PDLIM5: variants seen among roughly 807,000 people sequenced by gnomAD.
PDLIM5 encodes PDZ and LIM domain protein 5.
Under a neutral mutation model 64.2 loss-of-function variants are expected in PDLIM5, and 34 were observed. That is an observed-to-expected ratio of 0.53 (90% CI 0.40 to 0.71). PDLIM5 has a LOEUF of 0.71. PDLIM5 is among the 30% of genes least tolerant of loss of function. The pLI is 0.00. For synonymous variants in PDLIM5, 253 were observed against 269.1 expected, an observed-to-expected ratio of 0.94 and a Z score of 0.59; for missense variants, 683 against 733.6, an observed-to-expected ratio of 0.93 and a Z score of 0.80.
At position 94,560,768 on chromosome 4, in the gene PDLIM5, C is replaced by T. The variant is rs1210208132; in HGVS notation, c.249-12583C>T. Among the ~76,000 whole-genome samples, 7 of 152,114 alleles carry T rather than the reference C, an allele frequency of 4.6e-5. No individual in the cohort carries two copies. In the South Asian group the frequency reaches 1.0e-3, roughly 23 times the overall value. On this transcript the variant is annotated intron_variant, in intron 3 of 12. Transcript: ENST00000317968. Reference sequence around the variant, plus strand: ...GTTTTGAGACGAAGTCTTGCTGTTGCCCAGGCTGGGTGTGGTGGTACAATC... The same window carrying T: ...GTTTTGAGACGAAGTCTTGCTGTTGTCCAGGCTGGGTGTGGTGGTACAATC...
In PDLIM5 at chr4:94,523,745, G is replaced by T; in HGVS notation, c.118G>T (p.Ala40Ser). 1 of 1,612,910 alleles carries T rather than the reference G, an allele frequency of 6.2e-7. No individual in the cohort carries two copies. The highest frequency in any genetic ancestry group is 1.1e-5 in the South Asian group (1 of 91,026). The change falls in exon 3 of 13, where the codon GCC becomes TCC. Residue 40 changes from alanine (A) to serine (S), a missense_variant. Transcript: ENST00000317968. ...ISSLKDGGKA[A>S]QANVRIGDVV... ...ACAGCTAAAAGATGGCGGCAAGGCA[G>T]CCCAGGCAAATGTAAGAATAGGCGA...
intron 9 of PDLIM5, among the ~76,000 whole-genome samples, chr4:94,642,000 G>T (rs768517344): frequency 9.2e-5 from 14 of 152,082 alleles, no homozygotes; most frequent in Non-Finnish European, 1.6e-4. Flanking sequence ...TGTAAGATCT[G>T]GTATGTTGCT....
chr4:94,547,892 C>G (rs1360727062), intron 3 of PDLIM5, among the ~76,000 whole-genome samples: 1 of 152,170 alleles, frequency 6.6e-6, no homozygotes, highest in Non-Finnish European at 1.5e-5. Context: ...TCATTCAGGA[C>G]TACTGTTGAG....
intron 9 of PDLIM5, among the ~76,000 whole-genome samples, chr4:94,650,483 A>G (rs1174697403): frequency 6.6e-6 from 1 of 152,078 alleles, no homozygotes; most frequent in Non-Finnish European, 1.5e-5. Flanking sequence ...TGATACAGTA[A>G]TTTTCAGTCG....
rs1485554200 is a variant in PDLIM5 at position 94,664,419 on chromosome 4, G to A, written c.*352G>A. ...ATAATTATACCTTCTTTCCTTGTTA[G>A]GTAGTTATGAGTAAATCTGCAAAAG... is the stretch of plus-strand genomic sequence containing the variant. On this transcript the variant is annotated 3_prime_UTR_variant, in exon 13 of 13. Transcript: ENST00000317968. 7.6e-6 allele frequency: 6 copies of A among 784,730 alleles called. No homozygotes were observed. In the Admixed American group the frequency reaches 3.1e-4, roughly 41 times the overall value. 48.6% of individuals were successfully genotyped at this position (784,730 alleles called of 1,614,324 possible).
At chr4:94,472,794 T>C (rs1374032716) in intron 2 of PDLIM5, among the ~76,000 whole-genome samples, 1 of 152,226 alleles carries the variant, frequency 6.6e-6, no homozygotes, top group Non-Finnish European at 1.5e-5. Context: ...AAATCTGAAC[T>C]TCAGTCATAT....
Position 94,592,739 on chromosome 4 carries a change from G to A in PDLIM5, c.920+6295G>A, listed in dbSNP as rs568161104. On this transcript the variant is annotated intron_variant, in intron 7 of 12. Coordinates refer to ENST00000317968, the MANE Select transcript of PDLIM5 (RefSeq NM_006457.5). ...CCTCCCAGGCTCAAGTGATCCTCCC[G>A]CCTCAGCCTCCCAAGTAGCTGGAAC... is the stretch of plus-strand genomic sequence containing the variant. Among the ~76,000 whole-genome samples, 6 of 151,998 alleles carry A rather than the reference G, an allele frequency of 3.9e-5. 1 individual carries two copies. Among genetic ancestry groups the A allele is most frequent in the South Asian group, 4.2e-4 (2 of 4,816 alleles).
At chr4:94,584,613 A>G (rs1334723291) in intron 5 of PDLIM5, 1 of 183,180 alleles carries the variant, frequency 5.5e-6, no homozygotes, top group Non-Finnish European at 1.1e-5. Flanking sequence ...TAGGAGAAGG[A>G]ATACCTGTAC....
intron 7 of PDLIM5, chr4:94,587,181 A>C: frequency 6.8e-7 from 1 of 1,481,132 alleles, no homozygotes; most frequent in Non-Finnish European, 8.9e-7. Context: ...TGCCTTATGA[A>C]AAAATAGAAC....
At chr4:94,503,536 T>C (rs1434907847) in intron 2 of PDLIM5, among the ~76,000 whole-genome samples, 1 of 152,206 alleles carries the variant, frequency 6.6e-6, no homozygotes, top group African/African-American at 2.4e-5. Flanking sequence ...GCAGTAATAT[T>C]GTCCAGTTCA....
At chr4:94,526,453 G>A (rs1730361284) in intron 3 of PDLIM5, among the ~76,000 whole-genome samples, 1 of 152,134 alleles carries the variant, frequency 6.6e-6, no homozygotes, top group African/African-American at 2.4e-5. Flanking sequence ...CTATTAGGGA[G>A]TATTTTAGAG....
At chr4:94,501,627 G>A (rs1727929493) in intron 2 of PDLIM5, among the ~76,000 whole-genome samples, 1 of 152,080 alleles carries the variant, frequency 6.6e-6, no homozygotes, top group Non-Finnish European at 1.5e-5. Context: ...GGTTTTTGTT[G>A]TATTTTACTA....
intron 8 of PDLIM5, among the ~76,000 whole-genome samples, chr4:94,623,949 ATTAT>A (rs1300124133): frequency 8.5e-5 from 13 of 152,296 alleles, no homozygotes; most frequent in Admixed American, 3.9e-4. Flanking sequence ...CTAGTAATAC[ATTAT>A]TTATTTTTGG....
intron 8 of PDLIM5, among the ~76,000 whole-genome samples, chr4:94,634,664 G>T (rs1300443332): frequency 4.6e-5 from 7 of 152,136 alleles, no homozygotes; most frequent in African/African-American, 1.7e-4. Flanking sequence ...GTCTGGCCAG[G>T]TGTTTAATCT....
At chr4:94,642,436 C>T (rs946789925) in intron 9 of PDLIM5, among the ~76,000 whole-genome samples, 1 of 152,116 alleles carries the variant, frequency 6.6e-6, no homozygotes, top group Non-Finnish European at 1.5e-5. Context: ...AATTTAATGC[C>T]AGGCCAGTAT....
chr4:94,544,594 G>A (rs150012842), intron 3 of PDLIM5, among the ~76,000 whole-genome samples: 3 of 152,244 alleles, frequency 2.0e-5, no homozygotes, highest in African/African-American at 4.8e-5. Context: ...CACTGTGATG[G>A]CATGCTAATT....
intron 9 of PDLIM5, among the ~76,000 whole-genome samples, chr4:94,649,336 A>G (rs1452616414): frequency 6.6e-6 from 1 of 152,130 alleles, no homozygotes; most frequent in Non-Finnish European, 1.5e-5. Context: ...TAATCACAGG[A>G]GTGATACCCT....
intron 2 of PDLIM5, chr4:94,456,643 G>T: frequency 1.1e-6 from 1 of 910,424 alleles, no homozygotes. Flanking sequence ...ATCCCCTACT[G>T]AAGAGTATTT....
chr4:94,587,283 CAAAAA>C, intron 7 of PDLIM5: 2 of 1,083,830 alleles, frequency 1.8e-6, no homozygotes, highest in Non-Finnish European at 1.1e-6. Context: ...AATGTAAAAC[CAAAAA>C]AAAAAAAAAA....
Sources: gnomAD v4.1 joint callset for allele counts (sites outside exome capture counted in the v4.1 genomes callset) on GRCh38, gnomAD v4.1.1 for gene constraint, MANE v1.5 for transcripts, NCBI Gene and HGNC (gene_info 2026-07-23, HGNC 2026-07-21) for gene names.